Variants in LITAF observed in about 807,000 individuals in gnomAD.
The protein encoded by LITAF is lipopolysaccharide induced TNF factor.
A neutral mutation model predicts 14.5 loss-of-function variants in LITAF; 9 were observed. The observed-to-expected ratio is 0.62, with a 90% CI of 0.37 to 1.08. The LOEUF is 1.08. Ranked by LOEUF, LITAF falls within the 50% of genes least tolerant of loss-of-function variation. The probability of loss-of-function intolerance (pLI) is 0.01; values close to 1 mark genes in which losing one functional copy is unlikely to be tolerated. For missense variants in LITAF, 206 were observed against 213.4 expected (o/e 0.97, Z 0.22); for synonymous variants, 98 against 88.2 (o/e 1.11, Z -0.62).
chr16:11,548,371 A>C lies in LITAF; in HGVS notation c.*1266T>G, dbSNP rs969785550. The C allele has an allele frequency of 2.2e-6, 1 of 453,866 alleles. No individual in the cohort carries two copies. The highest frequency in any genetic ancestry group is 2.0e-5 in the African/African-American group (1 of 49,956). 28.1% of individuals were successfully genotyped at this position (453,866 alleles called of 1,614,324 possible). ...TTTACAACAAGCTGTGTCTCTGAAA[A>C]CTAAAATCAGACTTTAGATTCCTCT... On this transcript the variant is annotated 3_prime_UTR_variant, in exon 4 of 4. Coordinates refer to ENST00000622633, the MANE Select transcript of LITAF (RefSeq NM_001136472.2).
intron 3 of LITAF, among the ~76,000 whole-genome samples, chr16:11,610,477 T>G (rs1878104006): frequency 6.6e-6 from 1 of 151,346 alleles, no homozygotes; most frequent in Non-Finnish European, 1.5e-5. Flanking sequence ...GAGTGGAGAG[T>G]CCCTCCAGCA....
At chr16:11,554,986 C>T (rs1024607486) in intron 2 of LITAF, among the ~76,000 whole-genome samples, 3 of 152,040 alleles carry the variant, frequency 2.0e-5, no homozygotes, top group African/African-American at 7.2e-5. Context: ...TAGAAAGACC[C>T]TCCTTCCAGA....
chr16:11,552,303 G>T (rs2064193271), intron 3 of LITAF, among the ~76,000 whole-genome samples: 1 of 152,114 alleles, frequency 6.6e-6, no homozygotes, highest in Non-Finnish European at 1.5e-5. Flanking sequence ...AAAATTGATT[G>T]TGTTTCCTCA....
In LITAF at chr16:11,617,423, A is replaced by G. The variant is rs557590129; in HGVS notation, c.85+16110T>C. On this transcript the variant is annotated intron_variant, in intron 3 of 3. Transcript: ENST00000574848. ...CAGCAATATATCAATATATGGCTTC[A>G]CTCTTTTTTTTTTTTTTTTTTTTTT... Among the ~76,000 whole-genome samples the G allele has an allele frequency of 6.5e-3, 784 of 120,434 alleles. 9 individuals carry two copies. Among genetic ancestry groups the G allele is most frequent in the African/African-American group, 0.023 (751 of 32,930 alleles). The allele number at this position is 120,434 out of a possible 152,430, so 79.0% of individuals were successfully genotyped here.
chr16:11,637,645 G>C (rs1451576237), upstream of LITAF, among the ~76,000 whole-genome samples: 3 of 152,088 alleles, frequency 2.0e-5, 1 homozygote, highest in African/African-American at 7.2e-5. Flanking sequence ...TATATTCCCA[G>C]CTGAGGTGGG....
At chr16:11,637,897 A>T (rs1472292522), upstream of LITAF, among the ~76,000 whole-genome samples, 4 of 39,890 alleles carry the variant, frequency 1.0e-4, no homozygotes, top group African/African-American at 5.7e-4. Flanking sequence ...AAAAAAAAAA[A>T]CTATATATAT....
chr16:11,594,251 T>C (rs1382023848), intron 1 of LITAF, among the ~76,000 whole-genome samples: 2 of 152,060 alleles, frequency 1.3e-5, no homozygotes, highest in Admixed American at 1.3e-4. Context: ...TGCCAATGAA[T>C]TGTACAGTTT....
chr16:11,597,372 G>A (rs1245777669), intron 1 of LITAF, among the ~76,000 whole-genome samples: 1 of 152,142 alleles, frequency 6.6e-6, no homozygotes, highest in African/African-American at 2.4e-5. Flanking sequence ...GCAGTGGAGT[G>A]CGGGTGGAGC....
chr16:11,575,951 G>C (rs980342403), intron 1 of LITAF, among the ~76,000 whole-genome samples: 7 of 152,314 alleles, frequency 4.6e-5, no homozygotes, highest in African/African-American at 9.6e-5. Flanking sequence ...CGCAATCATA[G>C]CTTACTACAG....
At chr16:11,617,233 A>C (rs903375465) in intron 3 of LITAF, among the ~76,000 whole-genome samples, 1 of 151,956 alleles carries the variant, frequency 6.6e-6, no homozygotes, top group African/African-American at 2.4e-5. Flanking sequence ...AAAATAAATA[A>C]ATAGAAATAA....
intron 2 of LITAF, among the ~76,000 whole-genome samples, chr16:11,555,315 C>T (rs772115060): frequency 2.6e-5 from 4 of 152,298 alleles, no homozygotes; most frequent in African/African-American, 9.6e-5. Context: ...AGGCGCAAGC[C>T]ACCACACCCT....
upstream of LITAF, among the ~76,000 whole-genome samples, chr16:11,602,777 A>T (rs1051052252): frequency 6.6e-5 from 10 of 151,908 alleles, no homozygotes; most frequent in South Asian, 2.1e-3. Flanking sequence ...AAAAAAAAAA[A>T]AAAATTGGAA....
In LITAF at chr16:11,610,824, G is replaced by A. The variant is rs115353615; in HGVS notation, c.85+22709C>T. Among the ~76,000 whole-genome samples, 1,215 of 152,230 alleles carry A rather than the reference G, an allele frequency of 8.0e-3. 21 individuals are homozygous for A. The highest frequency in any genetic ancestry group is 0.027 in the African/African-American group (1,138 of 41,540). On this transcript the variant is annotated intron_variant, in intron 3 of 3. Coordinates refer to the LITAF transcript ENST00000574848. ...AATGTACCAGAAGGGGGACCAGCTG[G>A]CTCATGGGAGCAAGCCTTCACTCTT...
intron 1 of LITAF, among the ~76,000 whole-genome samples, chr16:11,572,981 T>C (rs1188404756): frequency 3.3e-5 from 5 of 150,460 alleles, no homozygotes. Flanking sequence ...CAAGCTGGCA[T>C]GCAGTGGCGC....
Position 11,586,745 on chromosome 16 carries a change from G to T in LITAF, c.-6+141C>A. On this transcript the variant is annotated intron_variant, in intron 1 of 3. Transcript: ENST00000622633. The surrounding 1 kb of genome is among the most constrained non-coding windows in gnomAD (Gnocchi z 6.5). ...CCCTCCGCCGCGCCTCGATGCCCGC[G>T]ACCCGACCCGCGCCCCCTGGCATCC... The T allele has an allele frequency of 6.6e-6, 1 of 151,872 alleles. No homozygotes were observed. Among genetic ancestry groups the T allele is most frequent in the South Asian group, 2.0e-4 (1 of 5,126 alleles). 9.4% of individuals were successfully genotyped at this position (151,872 alleles called of 1,614,324 possible). A position where few individuals can be genotyped will look rare whatever the true frequency, so the allele number is the denominator to read the frequency against.
intron 1 of LITAF, among the ~76,000 whole-genome samples, chr16:11,592,261 CAACA>C (rs1235409947): frequency 6.6e-6 from 1 of 152,014 alleles, no homozygotes; most frequent in Non-Finnish European, 1.5e-5. Flanking sequence ...AATAAAAAAA[CAACA>C]AACAACCTAG....
Position 11,553,405 on chromosome 16 carries a change from C to T in LITAF, c.377+128G>A. On this transcript the variant is annotated intron_variant, in intron 3 of 3. Coordinates refer to ENST00000622633, the MANE Select transcript of LITAF (RefSeq NM_001136472.2). The surrounding 1 kb of genome is among the most constrained non-coding windows in gnomAD (Gnocchi z 7.7). ...CAGCCTGGGCGACAGAACCAGATTC[C>T]ATCTCAAAAAAAAACAACACAAATG... The T allele has an allele frequency of 9.5e-7, 1 of 1,048,834 alleles. No individual in the cohort carries two copies. Among genetic ancestry groups the T allele is most frequent in the African/African-American group, 1.6e-5 (1 of 63,446 alleles). 65.0% of individuals were successfully genotyped at this position (1,048,834 alleles called of 1,614,324 possible).
At chr16:11,577,884 C>G (rs758905256) in intron 1 of LITAF, among the ~76,000 whole-genome samples, 2 of 151,880 alleles carry the variant, frequency 1.3e-5, no homozygotes, top group Non-Finnish European at 2.9e-5. Context: ...ATCAACAAGC[C>G]CAGCTAATTT....
intron 1 of LITAF, among the ~76,000 whole-genome samples, chr16:11,557,879 G>A (rs527894698): frequency 6.6e-6 from 1 of 152,170 alleles, no homozygotes; most frequent in Non-Finnish European, 1.5e-5. Context: ...CTCCAGCCCT[G>A]GCAGAGCTGC....
Sources: gnomAD v4.1 joint callset for allele counts (sites outside exome capture counted in the v4.1 genomes callset) on GRCh38, gnomAD v4.1.1 for gene constraint, Gnocchi (gnomAD v3.1) non-coding constraint, MANE v1.5 for transcripts, NCBI Gene and HGNC (gene_info 2026-07-23, HGNC 2026-07-21) for gene names.